The following KCNH7 variants were observed in gnomAD, a reference collection of about 807,000 sequenced individuals.
The protein encoded by KCNH7 is voltage-gated inwardly rectifying potassium channel KCNH7.
KCNH7 carries 49 observed loss-of-function variants against 120.8 expected under a neutral mutation model. That is an observed-to-expected ratio of 0.41 (90% CI 0.32 to 0.51). The LOEUF is 0.51. KCNH7 is among the 20% of genes least tolerant of loss of function. The probability of loss-of-function intolerance (pLI) is 0.38; values close to 1 mark genes in which losing one functional copy is unlikely to be tolerated. For missense variants in KCNH7, 1,097 were observed against 1,446.6 expected, an observed-to-expected ratio of 0.76 and a Z score of 3.92; for synonymous variants, 547 against 516.1, an observed-to-expected ratio of 1.06 and a Z score of -0.81.
At chr2:162,584,253 C>A (rs933624012) in intron 2 of KCNH7, among the ~76,000 whole-genome samples, 5 of 152,104 alleles carry the variant, frequency 3.3e-5, no homozygotes, top group Admixed American at 3.3e-4. Flanking sequence ...TTCACACACC[C>A]AAACTTGTGA....
At chr2:162,711,983 T>C (rs1559094665) in intron 2 of KCNH7, among the ~76,000 whole-genome samples, 1 of 152,172 alleles carries the variant, frequency 6.6e-6, no homozygotes, top group African/African-American at 2.4e-5. Flanking sequence ...TCTGTCTTTT[T>C]CCCTTTTTCA....
chr2:162,393,882 A>T (rs144984101), intron 12 of KCNH7, among the ~76,000 whole-genome samples: 1 of 151,978 alleles, frequency 6.6e-6, no homozygotes, highest in East Asian at 1.9e-4. Flanking sequence ...CTGCTCGAAA[A>T]TGTGAAATGT....
intron 9 of KCNH7, among the ~76,000 whole-genome samples, chr2:162,403,880 A>T (rs1363370788): frequency 1.3e-5 from 2 of 151,994 alleles, no homozygotes; most frequent in Non-Finnish European, 1.5e-5. Context: ...GAGAGTTAAG[A>T]GTGGGAGCTA....
chr2:162,702,227 T>C (rs1014098544), intron 2 of KCNH7, among the ~76,000 whole-genome samples: 5 of 152,272 alleles, frequency 3.3e-5, no homozygotes, highest in Non-Finnish European at 2.9e-5. Context: ...CTGATAGTGA[T>C]AAGAACAATA....
intron 2 of KCNH7, among the ~76,000 whole-genome samples, chr2:162,623,474 C>G (rs902051226): frequency 5.9e-5 from 9 of 152,092 alleles, no homozygotes; most frequent in African/African-American, 2.2e-4. Flanking sequence ...AAAATAAACT[C>G]ATTTGACTGT....
rs565536167 is a variant in KCNH7, at chr2:162,388,190, TA to T, written c.2711-3252del. ...TATACAAATACAAAAATTAACAATT[TA>T]AAAAATTAAAATAAAGAAAAGATGG... On this transcript the variant is annotated intron_variant, in intron 12 of 15. Transcript: ENST00000332142. Among the ~76,000 whole-genome samples the T allele has an allele frequency of 3.8e-4, 57 of 151,868 alleles. No homozygotes were observed. The East Asian group carries it at 9.9e-3, about 26-fold the overall frequency.
At chr2:162,529,182 T>C (rs1360316460) in intron 3 of KCNH7, among the ~76,000 whole-genome samples, 1 of 151,914 alleles carries the variant, frequency 6.6e-6, no homozygotes, top group Non-Finnish European at 1.5e-5. Context: ...TTTGAGAGGG[T>C]CTTTACGCTG....
chr2:162,723,856 C>T (rs539251747), intron 2 of KCNH7, among the ~76,000 whole-genome samples: 4 of 152,122 alleles, frequency 2.6e-5, no homozygotes, highest in South Asian at 2.1e-4. Context: ...GGGGCCAGAA[C>T]TATGAAGGCT....
At chr2:162,698,151 A>G (rs2105338476) in intron 2 of KCNH7, among the ~76,000 whole-genome samples, 1 of 152,246 alleles carries the variant, frequency 6.6e-6, no homozygotes, top group African/African-American at 2.4e-5. Flanking sequence ...CCTGTTTTTA[A>G]CTTCAAATCC....
intron 2 of KCNH7, among the ~76,000 whole-genome samples, chr2:162,741,337 T>G (rs956536346): frequency 6.0e-5 from 9 of 150,196 alleles, no homozygotes; most frequent in African/African-American, 2.2e-4. Flanking sequence ...ACATATGTTA[T>G]TAATTATACA....
intron 2 of KCNH7, among the ~76,000 whole-genome samples, chr2:162,727,964 A>T (rs1687587429): frequency 6.6e-6 from 1 of 152,202 alleles, no homozygotes. Flanking sequence ...TAAACAACAT[A>T]CATATATTGA....
Position 162,452,874 on chromosome 2 carries a change from T to C in KCNH7, c.1129-6431A>G, listed in dbSNP as rs941453536. On this transcript the variant is annotated intron_variant, in intron 6 of 15. Transcript: ENST00000332142. Reference sequence around the variant, plus strand: ...TAAATATTTGCATTACATATTTCTTTTAATATTCGTTTCTAGGAAACGGTT... The same window carrying C: ...TAAATATTTGCATTACATATTTCTTCTAATATTCGTTTCTAGGAAACGGTT... 2.0e-5 allele frequency among the ~76,000 whole-genome samples: 3 copies of C among 152,138 alleles called. 1 individual carries two copies. The highest frequency in any genetic ancestry group is 4.4e-5 in the Non-Finnish European group (3 of 67,996).
chr2:162,520,155 CT>C lies in KCNH7; in HGVS notation c.464-1998del, dbSNP rs397873711. On this transcript the variant is annotated intron_variant, in intron 3 of 15. Coordinates refer to ENST00000332142, the MANE Select transcript of KCNH7 (RefSeq NM_033272.4). ...CATAATCTGACCCTCCAAGCCCAGGCTTTTTTTTTTTTTTTTTTTTTTTTAG... is the reference window on the plus strand; with the variant it reads ...CATAATCTGACCCTCCAAGCCCAGGCTTTTTTTTTTTTTTTTTTTTTTTAG... Among the ~76,000 whole-genome samples the C allele has an allele frequency of 6.1e-3, 546 of 89,878 alleles. 4 individuals are homozygous for C. Among genetic ancestry groups the C allele is most frequent in the African/African-American group, 0.012 (248 of 20,032 alleles). 59.0% of individuals were successfully genotyped at this position (89,878 alleles called of 152,430 possible). A position where few individuals can be genotyped will look rare whatever the true frequency, so the allele number is the denominator to read the frequency against.
chr2:162,781,591 G>A (rs1683489649), intron 2 of KCNH7, among the ~76,000 whole-genome samples: 2 of 152,116 alleles, frequency 1.3e-5, no homozygotes. Context: ...AGACAGCAGT[G>A]ATGTGGTAAG....
At chr2:162,538,187 T>G (rs1161888399) in intron 2 of KCNH7, 2 of 152,104 alleles carry the variant, frequency 1.3e-5, no homozygotes, top group Non-Finnish European at 2.9e-5. Flanking sequence ...CCAACACAAA[T>G]TTGTAAACTT....
intron 2 of KCNH7, among the ~76,000 whole-genome samples, chr2:162,603,480 G>T (rs1694628869): frequency 6.6e-6 from 1 of 151,898 alleles, no homozygotes; most frequent in Non-Finnish European, 1.5e-5. Context: ...TTTATTGAAA[G>T]GTGCAAAAAG....
At chr2:162,640,186 C>T (rs1684099861) in intron 2 of KCNH7, among the ~76,000 whole-genome samples, 1 of 152,008 alleles carries the variant, frequency 6.6e-6, no homozygotes, top group South Asian at 2.1e-4. Context: ...TTTATGTAGA[C>T]ATAGACAATA....
chr2:162,557,919 C>A (rs1289345965), intron 2 of KCNH7, among the ~76,000 whole-genome samples: 1 of 151,978 alleles, frequency 6.6e-6, no homozygotes, highest in Non-Finnish European at 1.5e-5. Flanking sequence ...AATTATACGA[C>A]AAGTTTGCTG....
Position 162,438,488 on chromosome 2 carries a change from G to A in KCNH7, c.1555-2891C>T, listed in dbSNP as rs187307699. Among the ~76,000 whole-genome samples the A allele has an allele frequency of 9.9e-5, 15 of 152,268 alleles. No homozygotes were observed. In the East Asian group the frequency reaches 2.9e-3, roughly 29 times the overall value. On this transcript the variant is annotated intron_variant, in intron 7 of 15. Coordinates refer to ENST00000332142, the MANE Select transcript of KCNH7 (RefSeq NM_033272.4). ...ATGGGACATGTTGAAGTCTCAACAT[G>A]TATGACAGTATTCATGTTAAATAAT...
Sources: gnomAD v4.1 joint callset for allele counts (sites outside exome capture counted in the v4.1 genomes callset) on GRCh38, gnomAD v4.1.1 for gene constraint, MANE v1.5 for transcripts, NCBI Gene and HGNC (gene_info 2026-07-23, HGNC 2026-07-21) for gene names.